ZNF365: variants seen among roughly 807,000 people sequenced by gnomAD.
The protein encoded by ZNF365 is protein ZNF365.
Under a neutral mutation model 35.0 loss-of-function variants are expected in ZNF365, and 22 were observed. The ratio of observed to expected loss-of-function variants is 0.63; its 90% confidence interval spans 0.45 to 0.90. The LOEUF (loss-of-function observed/expected upper bound fraction) is 0.90, where lower values mean the gene tolerates loss of function less well. ZNF365 is among the 40% of genes least tolerant of loss of function. The pLI is 0.00. For synonymous variants in ZNF365, 188 were observed against 196.2 expected (o/e 0.96, Z 0.35); for missense variants, 448 against 500.3 (o/e 0.90, Z 1.00).
chr10:62,463,929 C>A (rs1182510803), intron 4 of ZNF365, among the ~76,000 whole-genome samples: 1 of 152,146 alleles, frequency 6.6e-6, no homozygotes, highest in African/African-American at 2.4e-5. Context: ...TCAAACTGTG[C>A]ATTTTGGGAT....
chr10:62,467,524 G>A (rs760738180), intron 4 of ZNF365, among the ~76,000 whole-genome samples: 5 of 152,292 alleles, frequency 3.3e-5, no homozygotes, highest in East Asian at 1.9e-4. Context: ...TGGCAGACAC[G>A]TATTCATCTG....
intron 3 of ZNF365, among the ~76,000 whole-genome samples, chr10:62,409,134 A>T (rs529805865): frequency 2.0e-5 from 3 of 152,288 alleles, no homozygotes; most frequent in African/African-American, 7.2e-5. Flanking sequence ...TGCCTATCAG[A>T]TATGTCCACC....
At chr10:62,463,999 G>A (rs1409469825) in intron 4 of ZNF365, among the ~76,000 whole-genome samples, 1 of 152,078 alleles carries the variant, frequency 6.6e-6, no homozygotes, top group Non-Finnish European at 1.5e-5. Flanking sequence ...GAGCCAGGTG[G>A]ACATTATCAA....
rs183735937 is a variant in ZNF365, at chr10:62,379,167, C to T, written c.743+2231C>T. ...CCTCCCAAGTAGCTGGGGTTACAGG[C>T]GCCCACCACTGCACCCAGCTATTTT... is the stretch of plus-strand genomic sequence containing the variant. On this transcript the variant is annotated intron_variant, in intron 2 of 4. Transcript: ENST00000395254. Among the ~76,000 whole-genome samples the T allele has an allele frequency of 5.1e-3, 772 of 152,110 alleles. 31 individuals carry two copies. The highest frequency in any genetic ancestry group is 0.047 in the Admixed American group (717 of 15,274).
In ZNF365 at chr10:62,400,273, T is replaced by C; in HGVS notation, c.*484T>C. The stretch of plus-strand genomic sequence containing the variant: ...TGTGTATAACCTTCCCCTCAGCTAA[T>C]TTGAAAGCCTCCAAAATAAGGATTC... On this transcript the variant is annotated 3_prime_UTR_variant, in exon 5 of 5. Coordinates refer to ENST00000395254, the MANE Select transcript of ZNF365 (RefSeq NM_014951.3). 1.0e-6 allele frequency: 1 copy of C among 986,790 alleles called. No homozygotes were observed. 61.1% of individuals were successfully genotyped at this position (986,790 alleles called of 1,614,324 possible).
chr10:62,390,362 C>A lies in ZNF365; in HGVS notation c.924+1786C>A, dbSNP rs935556077. Among the ~76,000 whole-genome samples, 14 of 152,146 alleles carry A rather than the reference C, an allele frequency of 9.2e-5. No individual in the cohort carries two copies. In the East Asian group the frequency reaches 9.6e-4, roughly 10 times the overall value. On this transcript the variant is annotated intron_variant, in intron 3 of 4. Coordinates refer to ENST00000395254, the MANE Select transcript of ZNF365 (RefSeq NM_014951.3). ...GAGCTAAGAAATGTATGAAATCTTC[C>A]GATACTCAGCCAAGAGGAATCTCAA...
chr10:62,460,500 GTCTC>G (rs58975053), intron 4 of ZNF365, among the ~76,000 whole-genome samples: 9 of 151,808 alleles, frequency 5.9e-5, no homozygotes, highest in African/African-American at 1.7e-4. Flanking sequence ...TGTCAGCGTG[GTCTC>G]TCTCTCTCTC....
Position 62,399,528 on chromosome 10 carries a change from A to C in ZNF365, c.963A>C (p.Leu321=), listed in dbSNP as rs1839788600. ...CACTCCCCCCTCCAACCCTCTGTAG[A>C]AGCCGAGGGCACCCGCATTCGGTAT... ...DISSNRKPKC[L]SRGHPHSVCN... The change falls in exon 5 of 5, where the codon CTA becomes CTC. Residue 321 remains leucine (L), a splice_region_variant and synonymous_variant. Coordinates refer to ENST00000395254, the MANE Select transcript of ZNF365 (RefSeq NM_014951.3). 6.2e-7 allele frequency: 1 copy of C among 1,613,764 alleles called. No homozygotes were observed. The highest frequency in any genetic ancestry group is 8.5e-7 in the Non-Finnish European group (1 of 1,179,858).
chr10:62,455,212 A>G (rs1038913708), intron 3 of ZNF365, among the ~76,000 whole-genome samples: 6 of 152,212 alleles, frequency 3.9e-5, no homozygotes, highest in African/African-American at 1.4e-4. Context: ...CTGTGGAGAC[A>G]GCACAGGGAG....
intron 3 of ZNF365, among the ~76,000 whole-genome samples, chr10:62,446,105 G>A (rs573231924): frequency 5.0e-4 from 76 of 152,236 alleles, no homozygotes; most frequent in African/African-American, 1.7e-3. Flanking sequence ...CTGCACTCTG[G>A]GATGGCTCTC....
chr10:62,438,622 A>G (rs1403567875), intron 3 of ZNF365, among the ~76,000 whole-genome samples: 1 of 152,224 alleles, frequency 6.6e-6, no homozygotes, highest in Non-Finnish European at 1.5e-5. Flanking sequence ...ACTGGCATTA[A>G]GGAAGAGATA....
At chr10:62,418,183 A>G (rs1411267415) in intron 3 of ZNF365, among the ~76,000 whole-genome samples, 1 of 152,074 alleles carries the variant, frequency 6.6e-6, no homozygotes, top group East Asian at 1.9e-4. Flanking sequence ...ATATTTGAAC[A>G]TCAAAATGAA....
Position 62,430,087 on chromosome 10 carries a change from A to C in ZNF365, c.925-29654A>C, listed in dbSNP as rs377315680. ...ATCCAACTAATAATTTAACATAAGC[A>C]TGATTTCACTATAATAATAAGAATT... On this transcript the variant is annotated intron_variant, in intron 3 of 4. Coordinates refer to the ZNF365 transcript ENST00000395255. 7.9e-5 allele frequency among the ~76,000 whole-genome samples: 12 copies of C among 152,344 alleles called. No homozygotes were observed. The East Asian group carries it at 1.7e-3, about 22-fold the overall frequency.
chr10:62,430,724 A>G (rs1564586642), intron 3 of ZNF365, among the ~76,000 whole-genome samples: 1 of 152,180 alleles, frequency 6.6e-6, no homozygotes, highest in African/African-American at 2.4e-5. Context: ...GGAGAAAGAG[A>G]CGAAAGAGAC....
chr10:62,475,747 G>A (rs753518), intron 4 of ZNF365, among the ~76,000 whole-genome samples: 58,519 of 152,018 alleles, frequency 0.38, 11,412 homozygotes, highest in African/African-American at 0.41. Context: ...GCACCATGGC[G>A]GGATGAAGCC....
chr10:62,417,785 T>G (rs1000566305), intron 3 of ZNF365, among the ~76,000 whole-genome samples: 1 of 152,016 alleles, frequency 6.6e-6, no homozygotes, highest in African/African-American at 2.4e-5. Flanking sequence ...GTCTCTTAAT[T>G]TCTTCAAGCT....
At chr10:62,411,527 A>G (rs1839984894) in intron 3 of ZNF365, among the ~76,000 whole-genome samples, 1 of 152,128 alleles carries the variant, frequency 6.6e-6, no homozygotes, top group Admixed American at 6.6e-5. Flanking sequence ...CTATTTATTA[A>G]ATAGGGAATC....
At chr10:62,376,100 G>A in intron 1 of ZNF365, 81 bp from the exon 2 acceptor site, 9 of 1,458,330 alleles carry the variant, frequency 6.2e-6, no homozygotes, top group Non-Finnish European at 8.4e-6. Flanking sequence ...AAAAGCCTCT[G>A]CTGTCATGGA....
At chr10:62,475,672 C>T (rs951853198) in intron 4 of ZNF365, among the ~76,000 whole-genome samples, 2 of 152,102 alleles carry the variant, frequency 1.3e-5, no homozygotes, top group Non-Finnish European at 1.5e-5. Flanking sequence ...TAGGAAATGC[C>T]CCACGTTCTT....
Sources: gnomAD v4.1 joint callset for allele counts (sites outside exome capture counted in the v4.1 genomes callset) on GRCh38, gnomAD v4.1.1 for gene constraint, MANE v1.5 for transcripts, NCBI Gene and HGNC (gene_info 2026-07-23, HGNC 2026-07-21) for gene names.